The following AQP11 variants were observed in gnomAD, a reference collection of about 807,000 sequenced individuals.
AQP11 encodes aquaporin-11.
AQP11 carries 20 observed loss-of-function variants against 21.1 expected under a neutral mutation model. That is an observed-to-expected ratio of 0.95 (90% CI 0.67 to 1.38). The LOEUF (loss-of-function observed/expected upper bound fraction) is 1.38, where lower values mean the gene tolerates loss of function less well. AQP11 is among the 40% of genes most tolerant of loss of function. The pLI is 0.00. For synonymous variants in AQP11, 167 were observed against 150.1 expected (o/e 1.11, Z -0.82); for missense variants, 339 against 340.4 (o/e 1.00, Z 0.03).
At chr11:77,605,361 C>T (rs1958839936) in intron 2 of AQP11, among the ~76,000 whole-genome samples, 1 of 152,186 alleles carries the variant, frequency 6.6e-6, no homozygotes, top group Middle Eastern at 3.4e-3. Context: ...TATTTGTTAG[C>T]GTGCTCCAAC....
Position 77,590,117 on chromosome 11 carries a change from CG to C in AQP11, c.127del (p.Val43TrpfsTer10). 6.2e-7 allele frequency: 1 copy of C among 1,607,886 alleles called. No individual in the cohort carries two copies. The highest frequency in any genetic ancestry group is 8.5e-7 in the Non-Finnish European group (1 of 1,179,782). Reference protein sequence around the residue: ...RVVARQQLHRPVAHAFVLEFL... With the variant: ...RVVARQQLHRXVAHAFVLEFL... ...GTCGCCCGGCAGCAGCTGCACAGGC[CG>C]GTGGCCCACGCCTTCGTCCTGGAGT... is the stretch of plus-strand genomic sequence containing the variant. On this transcript the variant is annotated frameshift_variant, in exon 1 of 3. Coordinates refer to ENST00000313578, the MANE Select transcript of AQP11 (RefSeq NM_173039.3). LOFTEE classifies it high-confidence loss of function.
rs1037103510 is a variant in AQP11 at position 77,600,096 on chromosome 11, A to T, written c.620-3460A>T. Among the ~76,000 whole-genome samples, 9 of 149,790 alleles carry T rather than the reference A, an allele frequency of 6.0e-5. No individual in the cohort carries two copies. The South Asian group carries it at 1.9e-3, about 32-fold the overall frequency. ...TGCCTGAGCCTTCCGAGTAGCTGGG[A>T]CTACAGGTGCACGCCACCATGCCCA... On this transcript the variant is annotated intron_variant, in intron 1 of 2. Transcript: ENST00000313578.
chr11:77,590,624 C>A lies in AQP11; in HGVS notation c.619+13C>A. The A allele has an allele frequency of 2.5e-6, 4 of 1,603,318 alleles. No homozygotes were observed. Among genetic ancestry groups the A allele is most frequent in the Non-Finnish European group, 3.4e-6 (4 of 1,174,150 alleles). Reference sequence around the variant, plus strand: ...TTGGTCTATGCAGGTTTGTCATTCTCACCAAATACTTGGCACTTCCAGAGC... The same window carrying A: ...TTGGTCTATGCAGGTTTGTCATTCTAACCAAATACTTGGCACTTCCAGAGC... On this transcript the variant is annotated intron_variant, in intron 1 of 2. Transcript: ENST00000313578.
intron 1 of AQP11, among the ~76,000 whole-genome samples, chr11:77,593,591 C>T (rs1350724745): frequency 1.3e-5 from 2 of 151,740 alleles, no homozygotes; most frequent in East Asian, 1.9e-4. Context: ...GAGCCGAGAT[C>T]GAGTCATTGC....
chr11:77,592,254 C>A (rs1031487461), intron 1 of AQP11, among the ~76,000 whole-genome samples: 1 of 151,464 alleles, frequency 6.6e-6, no homozygotes, highest in African/African-American at 2.4e-5. Flanking sequence ...GTTATAGAGA[C>A]CCTGTCTGTC....
At chr11:77,600,767 C>T (rs1056582732) in intron 1 of AQP11, among the ~76,000 whole-genome samples, 3 of 152,140 alleles carry the variant, frequency 2.0e-5, no homozygotes, top group African/African-American at 4.8e-5. Context: ...AATCCCAGCA[C>T]TTTGGGAGGC....
At chr11:77,591,828 C>A (rs990317945) in intron 1 of AQP11, among the ~76,000 whole-genome samples, 3 of 152,066 alleles carry the variant, frequency 2.0e-5, no homozygotes, top group Non-Finnish European at 2.9e-5. Flanking sequence ...GAGCTGAGAT[C>A]GCGCCATTTT....
rs113846217 is a variant in AQP11, at chr11:77,600,021, G to A, written c.620-3535G>A. 5.6e-3 allele frequency among the ~76,000 whole-genome samples: 853 copies of A among 151,940 alleles called. 9 individuals carry two copies. Among genetic ancestry groups the A allele is most frequent in the African/African-American group, 0.02 (816 of 41,440 alleles). On this transcript the variant is annotated intron_variant, in intron 1 of 2. Transcript: ENST00000313578. ...GTTGCCCAGGCTGGAGTACAGTGGCGTGATCTTGGCTCACTGCAACCTCTG... is the reference window on the plus strand; with the variant it reads ...GTTGCCCAGGCTGGAGTACAGTGGCATGATCTTGGCTCACTGCAACCTCTG...
At chr11:77,605,555 T>A (rs931051414) in intron 2 of AQP11, among the ~76,000 whole-genome samples, 1 of 152,098 alleles carries the variant, frequency 6.6e-6, no homozygotes, top group African/African-American at 2.4e-5. Flanking sequence ...AACCTTACTG[T>A]GAACTCAGCA....
In AQP11 at chr11:77,590,544, C is replaced by G; in HGVS notation, c.552C>G (p.Phe184Leu). 1 of 1,614,180 alleles carries G rather than the reference C, an allele frequency of 6.2e-7. No individual in the cohort carries two copies. The highest frequency in any genetic ancestry group is 8.5e-7 in the Non-Finnish European group (1 of 1,180,034). The change falls in exon 1 of 3, where the codon TTC (phenylalanine) becomes TTG (leucine). Residue 184 changes from phenylalanine (F) to leucine (L), a missense_variant. Transcript: ENST00000313578. ...TCTTCCACAGCGCTCTGCTGCACTT[C>G]CAGGAAGTCCGAACCAAGCTTCGTA... ...SFLFHSALLH[F>L]QEVRTKLRIH...
At chr11:77,599,723 C>A (rs560877409) in intron 1 of AQP11, among the ~76,000 whole-genome samples, 1 of 151,400 alleles carries the variant, frequency 6.6e-6, no homozygotes, top group Non-Finnish European at 1.5e-5. Flanking sequence ...TAGCTGGGAC[C>A]ACAAGTACAT....
chr11:77,603,819 C>CTT lies in AQP11; in HGVS notation c.736+149_736+150dup, dbSNP rs1278231373. ...GGTAGCTAACATGCCTGAAATAATA[C>CTT]TTTGTGTAGTATCCTTTAAAACTGT... On this transcript the variant is annotated intron_variant, in intron 2 of 2. Coordinates refer to ENST00000313578, the MANE Select transcript of AQP11 (RefSeq NM_173039.3). The CTT allele has an allele frequency of 1.0e-5, 6 of 574,010 alleles. No homozygotes were observed. In the East Asian group the frequency reaches 1.8e-4, roughly 17 times the overall value. The allele number at this position is 574,010 out of a possible 1,614,324, so 35.6% of individuals were successfully genotyped here.
In AQP11 at chr11:77,610,096, T is replaced by C. The variant is rs1958868626; in HGVS notation, c.*719T>C. On this transcript the variant is annotated 3_prime_UTR_variant, in exon 3 of 3. Transcript: ENST00000313578. Reference sequence around the variant, plus strand: ...ACCAACAGCTAGCTACCTTATGAAGTAGGGAGGGCATGTATTTTTAATCTC... The same window carrying C: ...ACCAACAGCTAGCTACCTTATGAAGCAGGGAGGGCATGTATTTTTAATCTC... The C allele has an allele frequency of 6.6e-6, 1 of 152,168 alleles. No individual in the cohort carries two copies. The highest frequency in any genetic ancestry group is 1.5e-5 in the Non-Finnish European group (1 of 67,988). The allele number at this position is 152,168 out of a possible 1,614,324, so 9.4% of individuals were successfully genotyped here. A position where few individuals can be genotyped will look rare whatever the true frequency, so the allele number is the denominator to read the frequency against.
intron 2 of AQP11, 132 bp downstream of exon 2, chr11:77,603,804 A>G (rs1001203690): frequency 9.7e-6 from 6 of 618,448 alleles, no homozygotes; most frequent in Admixed American, 3.0e-5. Flanking sequence ...GGTAGCTAAC[A>G]TGCCTGAAAT....
At chr11:77,599,281 T>A (rs1043325884) in intron 1 of AQP11, among the ~76,000 whole-genome samples, 25 of 152,160 alleles carry the variant, frequency 1.6e-4, no homozygotes, top group East Asian at 3.8e-4. Context: ...ATTATTTTTT[T>A]AATTATACTT....
chr11:77,590,279 C>T lies in AQP11; in HGVS notation c.287C>T (p.Thr96Met), dbSNP rs1218668329. 1.2e-6 allele frequency: 2 copies of T among 1,603,526 alleles called. No individual in the cohort carries two copies. The highest frequency in any genetic ancestry group is 1.1e-5 in the South Asian group (1 of 90,028). ...GTGCATGGCCTGACTCTGGTGGGCA[C>T]GTCCAGCAACCCGTGCGGCGTGATG... ...SLVHGLTLVG[T>M]SSNPCGVMMQ... The change falls in exon 1 of 3, where the codon ACG becomes ATG. Residue 96 changes from threonine to methionine, a missense_variant. By Grantham distance (81) the Thr-to-Met change is moderately conservative (BLOSUM62 -1). Coordinates refer to ENST00000313578, the MANE Select transcript of AQP11 (RefSeq NM_173039.3).
At chr11:77,599,749 C>A (rs1958804589) in intron 1 of AQP11, among the ~76,000 whole-genome samples, 1 of 151,304 alleles carries the variant, frequency 6.6e-6, no homozygotes, top group Non-Finnish European at 1.5e-5. Context: ...CATACCCAGG[C>A]AATTTTTGTA....
intron 1 of AQP11, 138 bp downstream of exon 1, chr11:77,590,749 T>A: frequency 6.7e-7 from 1 of 1,488,032 alleles, no homozygotes; most frequent in Non-Finnish European, 8.9e-7. Context: ...CTAACCATTT[T>A]GCAGCCCGTT....
At position 77,610,266 on chromosome 11, in the gene AQP11, A is replaced by T. The variant is rs1322351468; in HGVS notation, c.*889A>T. 4 of 152,260 alleles carry T rather than the reference A, an allele frequency of 2.6e-5. No homozygotes were observed. The highest frequency in any genetic ancestry group is 9.6e-5 in the African/African-American group (4 of 41,476). The allele number at this position is 152,260 out of a possible 1,614,324, so 9.4% of individuals were successfully genotyped here. On this transcript the variant is annotated 3_prime_UTR_variant, in exon 3 of 3. Transcript: ENST00000313578. ...ATGACTAAAGGGAAATCAAGGGTTC[A>T]TAGAAACATTAAATACTTTATAATA... is the stretch of plus-strand genomic sequence containing the variant.
Sources: allele counts gnomAD v4.1 joint callset (sites outside exome capture counted in the v4.1 genomes callset), GRCh38; gene constraint gnomAD v4.1.1; transcripts MANE v1.5; gene names NCBI Gene and HGNC (gene_info 2026-07-23, HGNC 2026-07-21).